Variants in ABI2 observed in about 807,000 individuals in gnomAD.
ABI2 encodes the protein abelson interactor 2.
ABI2 carries 25 observed loss-of-function variants against 59.2 expected under a neutral mutation model. The ratio of observed to expected loss-of-function variants is 0.42; its 90% confidence interval spans 0.31 to 0.59. ABI2 has a LOEUF of 0.59. Ranked by LOEUF, ABI2 falls within the 20% of genes least tolerant of loss-of-function variation. The pLI, the probability that ABI2 is intolerant of heterozygous loss-of-function variation, is 0.14. For synonymous variants in ABI2, 213 were observed against 235.5 expected (o/e 0.90, Z 0.87); for missense variants, 545 against 681.8 (o/e 0.80, Z 2.23).
chr2:203,367,307 TCATC>T (rs1414265215), intron 2 of ABI2: 5 of 270,832 alleles, frequency 1.8e-5, no homozygotes, highest in Non-Finnish European at 3.2e-5. Context: ...TAATGAAACT[TCATC>T]CATTCCCCCG....
chr2:203,416,136 T>C (rs923913250), intron 10 of ABI2, among the ~76,000 whole-genome samples: 64 of 152,348 alleles, frequency 4.2e-4, no homozygotes, highest in Non-Finnish European at 4.0e-4. Context: ...AAAATTTTAC[T>C]ATTCCCTGGA....
chr2:203,419,451 C>G (rs1361267583), intron 11 of ABI2, among the ~76,000 whole-genome samples: 3 of 151,504 alleles, frequency 2.0e-5, no homozygotes, highest in Non-Finnish European at 4.4e-5. Flanking sequence ...TCACTGCAAG[C>G]TCCGACTACC....
chr2:203,350,388 G>A (rs1444167581), intron 1 of ABI2, among the ~76,000 whole-genome samples: 1 of 151,900 alleles, frequency 6.6e-6, no homozygotes, highest in East Asian at 1.9e-4. Context: ...AGTCTCTGTC[G>A]CCCAGGCTGG....
intron 9 of ABI2, among the ~76,000 whole-genome samples, chr2:203,408,321 C>T (rs936741659): frequency 2.0e-5 from 3 of 152,044 alleles, no homozygotes; most frequent in Non-Finnish European, 4.4e-5. Context: ...TGCTACCACA[C>T]CTGGCTAATT....
intron 11 of ABI2, among the ~76,000 whole-genome samples, chr2:203,423,478 T>C (rs1286092047): frequency 6.6e-6 from 1 of 152,172 alleles, no homozygotes; most frequent in Non-Finnish European, 1.5e-5. Flanking sequence ...CAGGCTAGAG[T>C]GCAGTGGTGC....
At chr2:203,384,422 T>G (rs541143973) in intron 4 of ABI2, among the ~76,000 whole-genome samples, 1 of 150,166 alleles carries the variant, frequency 6.7e-6, no homozygotes, top group Non-Finnish European at 1.5e-5. Flanking sequence ...TTCTCCTGCC[T>G]CAGCTTCCTG....
intron 4 of ABI2, chr2:203,386,609 C>A (rs992380811): frequency 1.1e-4 from 17 of 148,280 alleles, no homozygotes; most frequent in Non-Finnish European, 2.1e-4. Context: ...ATTGATATTT[C>A]TTTTTTTTTC....
chr2:203,399,534 G>A (rs998325815), intron 8 of ABI2, among the ~76,000 whole-genome samples: 7 of 151,748 alleles, frequency 4.6e-5, no homozygotes, highest in South Asian at 2.1e-4. Context: ...AGGGGCGGGC[G>A]GACAGAGTTT....
chr2:203,355,829 CAA>C (rs771519788), intron 1 of ABI2, among the ~76,000 whole-genome samples: 83 of 68,480 alleles, frequency 1.2e-3, no homozygotes, highest in South Asian at 9.4e-3. Context: ...AAAACTGTCT[CAA>C]AAAAAAAAAA....
At chr2:203,341,077 CT>C (rs1023753731) in intron 1 of ABI2, among the ~76,000 whole-genome samples, 9 of 152,178 alleles carry the variant, frequency 5.9e-5, no homozygotes, top group African/African-American at 2.2e-4. Flanking sequence ...GGTTCTTTTA[CT>C]TCCTTCAAGC....
At chr2:203,351,482 A>C (rs908058281) in intron 1 of ABI2, 1 of 410,010 alleles carries the variant, frequency 2.4e-6, no homozygotes, top group African/African-American at 2.1e-5. Flanking sequence ...CTTTTCATTT[A>C]CATCATCTTA....
At chr2:203,338,957 T>A (rs866198635) in intron 1 of ABI2, among the ~76,000 whole-genome samples, 21 of 8,894 alleles carry the variant, frequency 2.4e-3, no homozygotes, top group African/African-American at 5.9e-3. Context: ...TATATATATA[T>A]ATATAAATAT....
intron 3 of ABI2, among the ~76,000 whole-genome samples, chr2:203,381,147 A>T (rs2096096478): frequency 6.6e-6 from 1 of 152,240 alleles, no homozygotes; most frequent in Non-Finnish European, 1.5e-5. Context: ...AAACACTGTT[A>T]TGGATGGAAA....
In ABI2 at chr2:203,430,597, C is replaced by T. The variant is rs910987619; in HGVS notation, c.*3245C>T. 1 of 152,194 alleles carries T rather than the reference C, an allele frequency of 6.6e-6. No individual in the cohort carries two copies. Among genetic ancestry groups the T allele is most frequent in the Admixed American group, 6.5e-5 (1 of 15,278 alleles). The allele number at this position is 152,194 out of a possible 1,614,324, so 9.4% of individuals were successfully genotyped here. A position where few individuals can be genotyped will look rare whatever the true frequency, so the allele number is the denominator to read the frequency against. The stretch of plus-strand genomic sequence containing the variant: ...CCCATTTGGAATAAATATGAATCTT[C>T]TAAGCTATCTTGTTTAATATTTTCC... On this transcript the variant is annotated 3_prime_UTR_variant, in exon 12 of 12. Transcript: ENST00000261018.
intron 9 of ABI2, among the ~76,000 whole-genome samples, chr2:203,403,742 GTTTTTTT>G (rs56123341): frequency 2.1e-5 from 2 of 95,302 alleles, no homozygotes; most frequent in Non-Finnish European, 1.9e-5. Flanking sequence ...CTTTCTTTCT[GTTTTTTT>G]TTTTTTTTTT....
chr2:203,424,598 TA>T (rs2098359731), intron 11 of ABI2, among the ~76,000 whole-genome samples: 1 of 152,028 alleles, frequency 6.6e-6, no homozygotes. Flanking sequence ...AGGGTTTTGC[TA>T]TGTTTCCCAG....
intron 3 of ABI2, among the ~76,000 whole-genome samples, chr2:203,381,142 CTG>C (rs1439205380): frequency 3.3e-5 from 5 of 151,954 alleles, no homozygotes; most frequent in Non-Finnish European, 5.9e-5. Context: ...TTAAAAAACA[CTG>C]TTATGGATGG....
Position 203,431,296 on chromosome 2 carries a change from C to T in ABI2, c.*3944C>T, listed in dbSNP as rs952821189. 5 of 152,582 alleles carry T rather than the reference C, an allele frequency of 3.3e-5. No homozygotes were observed. The highest frequency in any genetic ancestry group is 7.3e-5 in the Non-Finnish European group (5 of 68,028). The allele number at this position is 152,582 out of a possible 1,614,324, so 9.5% of individuals were successfully genotyped here. ...CAGAGTTCTCACTCAGTGCTCAGTA[C>T]TTAATTTTCCACTGCACCACAACTG... On this transcript the variant is annotated 3_prime_UTR_variant, in exon 12 of 12. Transcript: ENST00000261018.
At chr2:203,345,700 C>G (rs559061367) in intron 1 of ABI2, among the ~76,000 whole-genome samples, 73 of 151,238 alleles carry the variant, frequency 4.8e-4, no homozygotes, top group African/African-American at 1.7e-3. Flanking sequence ...TGAGCCACCA[C>G]GCCCAGCCCT....
Sources: allele counts gnomAD v4.1 joint callset (sites outside exome capture counted in the v4.1 genomes callset), GRCh38; gene constraint gnomAD v4.1.1; transcripts MANE v1.5; gene names NCBI Gene and HGNC (gene_info 2026-07-23, HGNC 2026-07-21).